FH: variants seen among roughly 807,000 people sequenced by gnomAD.
FH encodes the protein fumarate hydratase, mitochondrial.
In FH, 22 loss-of-function variants were observed where a neutral mutation model predicts 49.4. The observed-to-expected ratio is 0.45, with a 90% CI of 0.32 to 0.64. The LOEUF (loss-of-function observed/expected upper bound fraction) is 0.64. Ranked by LOEUF, FH falls within the 30% of genes least tolerant of loss-of-function variation. The pLI is 0.05. For synonymous variants in FH, 208 were observed against 223.0 expected (o/e 0.93, Z 0.60); for missense variants, 526 against 641.5 (o/e 0.82, Z 1.95).
At chr1:241,511,780 C>A in intron 4 of FH, 187 bp downstream of exon 4, 1 of 583,960 alleles carries the variant, frequency 1.7e-6, no homozygotes, top group Non-Finnish European at 3.0e-6. Flanking sequence ...TTCAGGTGTC[C>A]TAAAAATAAT....
intron 9 of FH, 66 bp from the exon 10 acceptor site, chr1:241,498,036 T>C: frequency 1.3e-6 from 2 of 1,531,058 alleles, no homozygotes; most frequent in Non-Finnish European, 1.8e-6. Flanking sequence ...AAGCAAAAGG[T>C]GACATAATTG....
chr1:241,506,253 A>G (rs1016657329), intron 5 of FH, 85 bp from the exon 6 acceptor site: 8 of 1,024,698 alleles, frequency 7.8e-6, no homozygotes, highest in Non-Finnish European at 1.0e-5. Flanking sequence ...AGAAATTTTT[A>G]AAAATACCTT....
At chr1:241,504,523 C>T (rs1302606352) in intron 6 of FH, among the ~76,000 whole-genome samples, 2 of 152,070 alleles carry the variant, frequency 1.3e-5, no homozygotes, top group African/African-American at 2.4e-5. Context: ...CTCACTGTAG[C>T]CTCAACCTCC....
chr1:241,519,712 G>T lies in FH; in HGVS notation c.11C>A (p.Ala4Glu), dbSNP rs1252151546. ...ACGCGAGCGCGCGAGGAGCCGAAGT[G>T]CTCGGTACATGGTGCTGAGGGAGCT... is the stretch of plus-strand genomic sequence containing the variant. The part of the protein sequence containing the change: MYR[A>E]LRLLARSRPL... The change falls in exon 1 of 10, where the codon GCA (alanine) becomes GAA (glutamate). Residue 4 changes from alanine to glutamate, a missense_variant. By Grantham distance (107) the Ala-to-Glu change is moderately radical. This residue lies in a region of FH where 143 missense variants were observed against 127.5 expected (regional missense o/e 1.12). Transcript: ENST00000366560. 2 of 1,546,918 alleles carry T rather than the reference G, an allele frequency of 1.3e-6. No homozygotes were observed. The highest frequency in any genetic ancestry group is 2.7e-5 in the African/African-American group (2 of 72,924).
At chr1:241,504,912 C>CT (rs780370447) in intron 6 of FH, among the ~76,000 whole-genome samples, 6,114 of 138,474 alleles carry the variant, frequency 0.044, 182 homozygotes, top group Middle Eastern at 0.11. Flanking sequence ...TACCTTTTTT[C>CT]TTTTTTTTTT....
intron 3 of FH, among the ~76,000 whole-genome samples, chr1:241,512,717 C>A (rs1331230304): frequency 6.6e-6 from 1 of 152,138 alleles, no homozygotes; most frequent in Non-Finnish European, 1.5e-5. Context: ...AATCAGAATG[C>A]ACTTGAGAAA....
chr1:241,505,163 G>A (rs1204320859), intron 6 of FH, among the ~76,000 whole-genome samples: 2 of 151,754 alleles, frequency 1.3e-5, no homozygotes, highest in Non-Finnish European at 2.9e-5. Flanking sequence ...TGCCCATCTT[G>A]GCCTCCCAAA....
Position 241,516,177 on chromosome 1 carries a change from A to AG in FH, c.267+1004dup, listed in dbSNP as rs777232404. Among the ~76,000 whole-genome samples the AG allele has an allele frequency of 3.7e-4, 57 of 152,364 alleles. No homozygotes were observed. The Middle Eastern group carries it at 0.01, about 27-fold the overall frequency. ...CCCTAGTAAAAATCTGTAAATACCC[A>AG]GCAAGAGTGAAAAGACAATCATTTA... On this transcript the variant is annotated intron_variant, in intron 2 of 9. Coordinates refer to ENST00000366560, the MANE Select transcript of FH (RefSeq NM_000143.4).
At chr1:241,502,657 G>C (rs1659812518) in intron 7 of FH, 87 bp from the exon 8 acceptor site, 1 of 1,459,432 alleles carries the variant, frequency 6.9e-7, no homozygotes, top group Non-Finnish European at 9.6e-7. Context: ...ACTAAATAGA[G>C]TAAGATATAC....
intron 1 of FH, among the ~76,000 whole-genome samples, chr1:241,518,085 A>G (rs1356588019): frequency 1.3e-5 from 2 of 152,240 alleles, no homozygotes; most frequent in Non-Finnish European, 2.9e-5. Flanking sequence ...TTTCTATTGA[A>G]TGAATTTGTA....
intron 6 of FH, 77 bp from the exon 7 acceptor site, chr1:241,504,322 A>T: frequency 3.6e-6 from 5 of 1,377,764 alleles, no homozygotes; most frequent in African/African-American, 1.4e-5. Context: ...AGTGAAACAG[A>T]AAGTTCCAAT....
In FH at chr1:241,513,710, G is replaced by C. The variant is rs1171873052; in HGVS notation, c.271C>G (p.Pro91Ala). The C allele has an allele frequency of 6.2e-7, 1 of 1,612,448 alleles. No homozygotes were observed. Among genetic ancestry groups the C allele is most frequent in the African/African-American group, 1.3e-5 (1 of 74,830 alleles). Reference protein sequence around the residue: ...IGGVTERMPTPVIKAFGILKR... With the variant: ...IGGVTERMPTAVIKAFGILKR... ...AAGATGCCAAAAGCTTTAATAACTG[G>C]GGTCTAAAATTAATCAGAAAAATAT... Residue 91 changes from proline (P) to alanine (A), a missense_variant, in exon 3 of 10, where the codon CCA becomes GCA. Pro to Ala is a conservative substitution (Grantham distance 27). Coordinates refer to ENST00000366560, the MANE Select transcript of FH (RefSeq NM_000143.4).
chr1:241,508,011 G>A (rs569276673), intron 5 of FH, among the ~76,000 whole-genome samples: 5 of 152,198 alleles, frequency 3.3e-5, no homozygotes, highest in Admixed American at 6.5e-5. Flanking sequence ...TAATATCTTG[G>A]AGAAGAGAGT....
chr1:241,516,513 G>A (rs911665092), intron 2 of FH, among the ~76,000 whole-genome samples: 5 of 152,166 alleles, frequency 3.3e-5, no homozygotes, highest in African/African-American at 1.2e-4. Context: ...TGGGCGGAGG[G>A]GGAGCAGCAG....
intron 9 of FH, among the ~76,000 whole-genome samples, chr1:241,499,908 T>C (rs145155092): frequency 1.3e-5 from 2 of 152,340 alleles, no homozygotes; most frequent in African/African-American, 4.8e-5. Context: ...TACAATAGCA[T>C]GGTTTTAGAC....
intron 2 of FH, among the ~76,000 whole-genome samples, chr1:241,515,402 C>T (rs1660188803): frequency 6.6e-6 from 1 of 152,058 alleles, no homozygotes; most frequent in Non-Finnish European, 1.5e-5. Flanking sequence ...CTGGGGCTGA[C>T]CTCCTCCTTA....
chr1:241,509,012 G>T (rs1660006384), intron 4 of FH, among the ~76,000 whole-genome samples: 1 of 150,216 alleles, frequency 6.7e-6, no homozygotes, highest in African/African-American at 2.4e-5. Context: ...TAAGTATACT[G>T]AATGTATTAT....
chr1:241,514,030 C>T (rs548940435), intron 2 of FH, among the ~76,000 whole-genome samples: 2 of 152,214 alleles, frequency 1.3e-5, no homozygotes, highest in Non-Finnish European at 2.9e-5. Context: ...CAAATACACA[C>T]AATAAATTAT....
chr1:241,504,493 G>A (rs1659863946), intron 6 of FH, among the ~76,000 whole-genome samples: 1 of 152,162 alleles, frequency 6.6e-6, no homozygotes, highest in Non-Finnish European at 1.5e-5. Flanking sequence ...AGGCTGGAGT[G>A]CAGTGTGGCT....
Sources: gnomAD v4.1 joint callset for allele counts (sites outside exome capture counted in the v4.1 genomes callset) on GRCh38, gnomAD v4.1.1 for gene constraint, gnomAD v4.1.1 regional missense constraint, MANE v1.5 for transcripts, NCBI Gene and HGNC (gene_info 2026-07-23, HGNC 2026-07-21) for gene names.